CRISP2: variants seen among roughly 807,000 people sequenced by gnomAD.
CRISP2 encodes cysteine-rich secretory protein 2.
Under a neutral mutation model 31.7 loss-of-function variants are expected in CRISP2, and 29 were observed. The ratio of observed to expected loss-of-function variants is 0.92; its 90% CI spans 0.68 to 1.25. The LOEUF is 1.25. Ranked by LOEUF, CRISP2 falls within the 50% of genes most tolerant of loss-of-function variation. CRISP2 has a pLI of 0.00. For synonymous variants in CRISP2, 111 were observed against 101.4 expected (o/e 1.09, Z -0.57); for missense variants, 318 against 286.5 (o/e 1.11, Z -0.79).
rs778468442 is a variant in CRISP2, at chr6:49,700,690, G to A, written c.161C>T (p.Pro54Leu). 1.2e-6 allele frequency: 2 copies of A among 1,609,544 alleles called. No homozygotes were observed. Among genetic ancestry groups the A allele is most frequent in the Non-Finnish European group, 1.7e-6 (2 of 1,176,448 alleles). Residue 54 changes from proline to leucine, a missense_variant, in exon 5 of 10, where the codon CCT (proline) becomes CTT (leucine). Physicochemically the swap from Pro to Leu is moderately conservative, Grantham distance 98 (BLOSUM62 -3). Coordinates refer to ENST00000339139, the MANE Select transcript of CRISP2 (RefSeq NM_003296.4). ...TACCATCTTTAGCATGTTACTGGCA[G>A]GTGGAGAGACTGCTTTCCTTAGTTC... ...HNELRKAVSP[P>L]ASNMLKMEWS...
intron 4 of CRISP2, among the ~76,000 whole-genome samples, 187 bp from the exon 5 acceptor site, chr6:49,700,971 ATC>A (rs2127405986): frequency 6.6e-6 from 1 of 152,264 alleles, no homozygotes; most frequent in East Asian, 1.9e-4. Flanking sequence ...TTGCCACTAA[ATC>A]TGAGTTGAAG....
At chr6:49,696,851 T>G (rs563468591) in intron 8 of CRISP2, among the ~76,000 whole-genome samples, 1 of 152,180 alleles carries the variant, frequency 6.6e-6, no homozygotes, top group East Asian at 1.9e-4. Context: ...GAAACAGATA[T>G]AAAAGGATTT....
the CRISP2 span, among the ~76,000 whole-genome samples, chr6:49,683,859 T>C: frequency 6.6e-6 from 1 of 150,796 alleles, no homozygotes; most frequent in Non-Finnish European, 1.5e-5. Context: ...GTAATCTACC[T>C]AAGAGCTTTA....
upstream of CRISP2, chr6:49,713,626 C>T (rs1162499906): frequency 6.6e-6 from 1 of 152,232 alleles, no homozygotes; most frequent in East Asian, 1.9e-4. Flanking sequence ...TTCATCGCCG[C>T]TATCTGCCTA....
chr6:49,699,831 G>A lies in CRISP2; in HGVS notation c.244C>T (p.His82Tyr), dbSNP rs1765359482. Residue 82 changes from histidine to tyrosine, a missense_variant, in exon 6 of 10, where the codon CAT becomes TAT. Coordinates refer to ENST00000339139, the MANE Select transcript of CRISP2 (RefSeq NM_003296.4). ...GTTTTGCGGTCCTCTGGATCACTAT[G>A]TTGTAAAGTGCACTTGTTTGCCCAC... ...QRWANKCTLQ[H>Y]SDPEDRKTST... 6.2e-7 allele frequency: 1 copy of A among 1,612,138 alleles called. No homozygotes were observed. The highest frequency in any genetic ancestry group is 8.5e-7 in the Non-Finnish European group (1 of 1,178,810).
chr6:49,692,672 A>G lies in CRISP2; in HGVS notation c.*101T>C. The G allele has an allele frequency of 3.3e-6, 4 of 1,194,850 alleles. No individual in the cohort carries two copies. The highest frequency in any genetic ancestry group is 4.6e-6 in the Non-Finnish European group (4 of 872,636). The allele number at this position is 1,194,850 out of a possible 1,614,324, so 74.0% of individuals were successfully genotyped here. On this transcript the variant is annotated 3_prime_UTR_variant, in exon 10 of 10. Transcript: ENST00000339139. ...GGGAGAAGATGCATTGCTCTTTGAA[A>G]TCAAATTTGTCACTAACATACATAC...
the CRISP2 span, among the ~76,000 whole-genome samples, chr6:49,682,924 C>T: frequency 6.6e-6 from 1 of 151,162 alleles, no homozygotes; most frequent in Non-Finnish European, 1.5e-5. Context: ...TTTGTGAGGC[C>T]GAAAAGGGGG....
chr6:49,705,112 A>G (rs901669013), intron 4 of CRISP2, among the ~76,000 whole-genome samples: 1 of 152,118 alleles, frequency 6.6e-6, no homozygotes, highest in African/African-American at 2.4e-5. Flanking sequence ...CAGGTTGGGT[A>G]GAGAAAGACC....
chr6:49,695,224 C>A (rs1360944844), intron 9 of CRISP2, among the ~76,000 whole-genome samples: 2 of 152,036 alleles, frequency 1.3e-5, no homozygotes, highest in Non-Finnish European at 2.9e-5. Flanking sequence ...TCATTTTCTC[C>A]TTTTGCAAAA....
chr6:49,700,766 AAGC>A lies in CRISP2; in HGVS notation c.82_84del (p.Ala28del). 1.2e-6 allele frequency: 2 copies of A among 1,608,084 alleles called. No individual in the cohort carries two copies. The highest frequency in any genetic ancestry group is 1.7e-6 in the Non-Finnish European group (2 of 1,175,532). On this transcript the variant is annotated inframe_deletion, in exon 5 of 10. Coordinates refer to ENST00000339139, the MANE Select transcript of CRISP2 (RefSeq NM_003296.4). ...TGCACTTGCAACTGGGTGGTTAACA[AAGC>A]AGTAAAAGCGGGATCCTAAAAGAAA...
At chr6:49,697,998 G>C (rs748466958) in intron 7 of CRISP2, 41 bp from the exon 8 acceptor site, 5 of 1,424,662 alleles carry the variant, frequency 3.5e-6, no homozygotes, top group Non-Finnish European at 4.8e-6. Context: ...AAGTACATTA[G>C]AGAAGATGAA....
chr6:49,713,300 C>G (rs1768365908), intron 1 of CRISP2, among the ~76,000 whole-genome samples, 175 bp downstream of exon 1: 1 of 152,156 alleles, frequency 6.6e-6, no homozygotes, highest in South Asian at 2.1e-4. Flanking sequence ...TAGGTCGGCG[C>G]TAAGCAACAA....
At chr6:49,685,983 G>A in the CRISP2 span, among the ~76,000 whole-genome samples, 1 of 151,868 alleles carries the variant, frequency 6.6e-6, no homozygotes, top group Non-Finnish European at 1.5e-5. Context: ...CCTCCAACCA[G>A]CCCACCCCAT....
At chr6:49,688,657 T>C (rs1763959870), downstream of CRISP2, among the ~76,000 whole-genome samples, 1 of 152,212 alleles carries the variant, frequency 6.6e-6, no homozygotes, top group Non-Finnish European at 1.5e-5. Context: ...ACCATTAATG[T>C]CTATGCTGAG....
chr6:49,679,358 A>T, the CRISP2 span, among the ~76,000 whole-genome samples: 1 of 152,190 alleles, frequency 6.6e-6, no homozygotes. Flanking sequence ...CACCTGTTCA[A>T]GATTAGGATG....
chr6:49,705,391 T>C (rs1050263176), intron 4 of CRISP2, among the ~76,000 whole-genome samples: 1 of 152,110 alleles, frequency 6.6e-6, no homozygotes, highest in African/African-American at 2.4e-5. Context: ...TGAATTTATA[T>C]CCAAGCCTCT....
At chr6:49,704,035 G>T (rs1766565452) in intron 4 of CRISP2, among the ~76,000 whole-genome samples, 1 of 152,034 alleles carries the variant, frequency 6.6e-6, no homozygotes. Flanking sequence ...ACTTCTTGGA[G>T]GCTTTGTTCA....
chr6:49,702,340 T>C (rs1052768630), intron 4 of CRISP2, among the ~76,000 whole-genome samples: 1 of 151,334 alleles, frequency 6.6e-6, no homozygotes, highest in African/African-American at 2.4e-5. Flanking sequence ...GTGAAATTGC[T>C]GGATCAAATG....
At chr6:49,701,523 T>TAC (rs1485507685) in intron 4 of CRISP2, among the ~76,000 whole-genome samples, 24 of 105,818 alleles carry the variant, frequency 2.3e-4, no homozygotes, top group African/African-American at 5.0e-4. Context: ...TATATATATA[T>TAC]ATACACACAC....
Sources: gnomAD v4.1 joint callset for allele counts (sites outside exome capture counted in the v4.1 genomes callset) on GRCh38, gnomAD v4.1.1 for gene constraint, MANE v1.5 for transcripts, NCBI Gene and HGNC (gene_info 2026-07-23, HGNC 2026-07-21) for gene names.